Variants in HOOK3 observed in about 807,000 individuals in gnomAD.
HOOK3 encodes the protein hook microtubule tethering protein 3, also known as protein Hook homolog 3.
A neutral mutation model predicts 116.3 loss-of-function variants in HOOK3; 24 were observed. That is an observed-to-expected ratio of 0.21 (90% CI 0.15 to 0.29). The LOEUF (loss-of-function observed/expected upper bound fraction) is 0.29, where lower values mean the gene tolerates loss of function less well. Ranked by LOEUF, HOOK3 falls within the 10% of genes least tolerant of loss-of-function variation. The pLI, the probability that HOOK3 is intolerant of heterozygous loss-of-function variation, is 1.00. For missense variants in HOOK3, 632 were observed against 830.2 expected (o/e 0.76, Z 2.93); for synonymous variants, 275 against 283.0 (o/e 0.97, Z 0.28).
intron 17 of HOOK3, among the ~76,000 whole-genome samples, chr8:43,004,017 T>C (rs1297452116): frequency 6.6e-6 from 1 of 152,148 alleles, no homozygotes; most frequent in Non-Finnish European, 1.5e-5. Context: ...GAGACACAAT[T>C]CAGCCCACCA....
At chr8:43,014,509 G>A (rs893344636) in intron 21 of HOOK3, among the ~76,000 whole-genome samples, 8 of 151,548 alleles carry the variant, frequency 5.3e-5, no homozygotes, top group African/African-American at 1.5e-4. Context: ...CTGCCAGCAC[G>A]CCCGAATAAT....
chr8:42,911,281 G>A (rs988373481), intron 2 of HOOK3, among the ~76,000 whole-genome samples: 21 of 152,072 alleles, frequency 1.4e-4, no homozygotes, highest in African/African-American at 4.6e-4. Flanking sequence ...GTGAAACTCC[G>A]TCTCTACAAA....
intron 2 of HOOK3, among the ~76,000 whole-genome samples, chr8:42,912,686 GCCCACCACACACTGCCTTCC>G (rs1323297751): frequency 1.3e-5 from 1 of 78,670 alleles, no homozygotes; most frequent in Non-Finnish European, 2.5e-5. Flanking sequence ...CACACTCCTT[GCCCACCACACACTGCCTTCC>G]CCCACCACAA....
intron 5 of HOOK3, among the ~76,000 whole-genome samples, chr8:42,948,441 T>A (rs1808276737): frequency 6.6e-6 from 1 of 152,218 alleles, no homozygotes; most frequent in South Asian, 2.1e-4. Flanking sequence ...TTTTATCATT[T>A]AGCATTTTAC....
intron 21 of HOOK3, among the ~76,000 whole-genome samples, chr8:43,013,896 C>T (rs564439015): frequency 5.3e-5 from 8 of 152,268 alleles, no homozygotes; most frequent in African/African-American, 1.7e-4. Context: ...TGAATAGTTA[C>T]GGATTTTAAA....
chr8:42,971,200 T>C (rs1358239789), intron 11 of HOOK3, among the ~76,000 whole-genome samples: 1 of 152,172 alleles, frequency 6.6e-6, no homozygotes, highest in Non-Finnish European at 1.5e-5. Context: ...GTTGATTACA[T>C]ACAGAATGTT....
intron 1 of HOOK3, among the ~76,000 whole-genome samples, chr8:42,902,358 A>AC (rs960058524): frequency 6.7e-6 from 1 of 148,960 alleles, no homozygotes; most frequent in African/African-American, 2.5e-5. Context: ...TGCAGTCCCG[A>AC]CCCCCCAGGC....
At chr8:42,937,323 T>TAA (rs199814595) in intron 4 of HOOK3, among the ~76,000 whole-genome samples, 2 of 148,342 alleles carry the variant, frequency 1.3e-5, no homozygotes, top group African/African-American at 5.1e-5. Context: ...GTTAATCTTT[T>TAA]AAAAAAAAAC....
intron 2 of HOOK3, among the ~76,000 whole-genome samples, chr8:42,912,262 C>G (rs1361996857): frequency 6.6e-6 from 1 of 152,074 alleles, no homozygotes; most frequent in Non-Finnish European, 1.5e-5. Flanking sequence ...TCTAAGTATG[C>G]TTTTTGTTAG....
intron 2 of HOOK3, among the ~76,000 whole-genome samples, chr8:42,914,818 C>G (rs1807499549): frequency 6.6e-6 from 1 of 152,110 alleles, no homozygotes; most frequent in South Asian, 2.1e-4. Flanking sequence ...CTTCTTTTAT[C>G]TTTAAAAATA....
chr8:42,935,046 A>G (rs1390142834), intron 4 of HOOK3, among the ~76,000 whole-genome samples: 2 of 152,196 alleles, frequency 1.3e-5, no homozygotes, highest in Non-Finnish European at 2.9e-5. Context: ...TATCCTCTCC[A>G]GCATCTATTG....
chr8:42,961,438 G>A (rs1425584600), intron 8 of HOOK3, among the ~76,000 whole-genome samples: 1 of 152,304 alleles, frequency 6.6e-6, no homozygotes, highest in African/African-American at 2.4e-5. Flanking sequence ...AGGTGAGTGA[G>A]TGAATGAGTG....
chr8:42,997,465 A>G, intron 15 of HOOK3, 85 bp from the exon 16 acceptor site: 1 of 776,486 alleles, frequency 1.3e-6, no homozygotes, highest in Non-Finnish European at 2.1e-6. Flanking sequence ...TTTGCTAATT[A>G]TACTTTCTAA....
intron 21 of HOOK3, among the ~76,000 whole-genome samples, chr8:43,016,227 C>G (rs1005876866): frequency 2.0e-5 from 3 of 149,646 alleles, no homozygotes; most frequent in African/African-American, 7.4e-5. Context: ...ACGCCATCCT[C>G]TTGCCTCAGC....
intron 19 of HOOK3, among the ~76,000 whole-genome samples, chr8:43,011,149 C>T (rs1490334698): frequency 1.3e-5 from 2 of 152,074 alleles, no homozygotes; most frequent in Non-Finnish European, 2.9e-5. Context: ...CCTGCCACCA[C>T]ACTCGGCTAA....
intron 6 of HOOK3, among the ~76,000 whole-genome samples, chr8:42,951,819 T>C (rs893871407): frequency 1.3e-5 from 2 of 152,144 alleles, no homozygotes; most frequent in Middle Eastern, 3.4e-3. Context: ...CACATGCCTG[T>C]AGTCCCAGCT....
At chr8:42,924,673 T>C (rs535087493) in intron 2 of HOOK3, among the ~76,000 whole-genome samples, 12 of 152,270 alleles carry the variant, frequency 7.9e-5, no homozygotes, top group African/African-American at 2.6e-4. Context: ...TATTTATCAG[T>C]TTAAAGACTG....
intron 6 of HOOK3, among the ~76,000 whole-genome samples, chr8:42,951,019 A>T (rs1289835416): frequency 6.6e-6 from 1 of 151,858 alleles, no homozygotes; most frequent in East Asian, 1.9e-4. Context: ...CCCTTAATGA[A>T]ATAGTAATAG....
Position 42,943,251 on chromosome 8 carries a change from G to A in HOOK3, c.268-62G>A, listed in dbSNP as rs1352006059. On this transcript the variant is annotated intron_variant, in intron 4 of 21. Transcript: ENST00000307602. ...TCTGGTAATAACAAACCTCGATCAA[G>A]TTTTTTTTTTTTTTGGTCATATAAA... The A allele has an allele frequency of 2.4e-5, 21 of 873,914 alleles. No homozygotes were observed. In the East Asian group the frequency reaches 2.7e-4, roughly 11 times the overall value. The allele number at this position is 873,914 out of a possible 1,614,324, so 54.1% of individuals were successfully genotyped here. A position where few individuals can be genotyped will look rare whatever the true frequency, so the allele number is the denominator to read the frequency against.
Sources: allele counts gnomAD v4.1 joint callset (sites outside exome capture counted in the v4.1 genomes callset), GRCh38; gene constraint gnomAD v4.1.1; transcripts MANE v1.5; gene names NCBI Gene and HGNC (gene_info 2026-07-23, HGNC 2026-07-21).